SUCNR1: variants seen among roughly 807,000 people sequenced by gnomAD.
SUCNR1 encodes succinate receptor 1.
SUCNR1 carries 5 observed loss-of-function variants against 2.4 expected under a neutral mutation model. That is an observed-to-expected ratio of 2.07 (90% CI 1.08 to 4.36). The LOEUF is 4.36. SUCNR1 is among the 30% of genes most tolerant of loss of function. The pLI is 0.00. For synonymous variants in SUCNR1, 162 were observed against 143.9 expected, an observed-to-expected ratio of 1.13 and a Z score of -0.90; for missense variants, 373 against 399.2, an observed-to-expected ratio of 0.93 and a Z score of 0.56.
rs1718170801 is a variant in SUCNR1 at position 151,883,699 on chromosome 3, T to C, written c.*2151T>C. ...AACAATAAATCATGAAAATCCTTTC[T>C]GGGTTTGTGGTTTCTAAAGGAAATA... On this transcript the variant is annotated 3_prime_UTR_variant, in exon 3 of 3. Transcript: ENST00000362032. 6.6e-6 allele frequency: 1 copy of C among 151,846 alleles called. No homozygotes were observed. The highest frequency in any genetic ancestry group is 2.4e-5 in the African/African-American group (1 of 41,380). The allele number at this position is 151,846 out of a possible 1,614,324, so 9.4% of individuals were successfully genotyped here.
At chr3:151,874,113 C>CATAT (rs1717833026) in intron 1 of SUCNR1, among the ~76,000 whole-genome samples, 2 of 86,566 alleles carry the variant, frequency 2.3e-5, no homozygotes, top group African/African-American at 1.0e-4. Context: ...CACACACACA[C>CATAT]ACATATACAT....
In SUCNR1 at chr3:151,883,642, G is replaced by A. The variant is rs1718169535; in HGVS notation, c.*2094G>A. 1 of 151,490 alleles carries A rather than the reference G, an allele frequency of 6.6e-6. No individual in the cohort carries two copies. Among genetic ancestry groups the A allele is most frequent in the Non-Finnish European group, 1.5e-5 (1 of 67,814 alleles). 9.4% of individuals were successfully genotyped at this position (151,490 alleles called of 1,614,324 possible). A position where few individuals can be genotyped will look rare whatever the true frequency, so the allele number is the denominator to read the frequency against. ...TAAAATTATAAGAGCTATTTCATTT[G>A]CTTGTTGTACTGGGTAATTGTAAGA... On this transcript the variant is annotated 3_prime_UTR_variant, in exon 3 of 3. Coordinates refer to ENST00000362032, the MANE Select transcript of SUCNR1 (RefSeq NM_033050.6).
intron 1 of SUCNR1, among the ~76,000 whole-genome samples, chr3:151,874,074 T>C (rs2108062754): frequency 7.1e-6 from 1 of 141,502 alleles, no homozygotes; most frequent in South Asian, 2.2e-4. Context: ...CAATCATGTA[T>C]TTGATACATA....
In SUCNR1 at chr3:151,880,901, C is replaced by G. The variant is rs748612865; in HGVS notation, c.358C>G (p.Arg120Gly). The G allele has an allele frequency of 1.2e-6, 2 of 1,613,942 alleles. No individual in the cohort carries two copies. Among genetic ancestry groups the G allele is most frequent in the Non-Finnish European group, 1.7e-6 (2 of 1,179,950 alleles). Reference protein sequence around the residue: ...ILFLTFISIDRYLIIKYPFRE... With the variant: ...ILFLTFISIDGYLIIKYPFRE... The stretch of plus-strand genomic sequence containing the variant: ...CTTTCTCACTTTTATCAGCATAGAT[C>G]GATACTTGATAATTAAGTATCCTTT... The change falls in exon 3 of 3, where the codon CGA becomes GGA. Residue 120 changes from arginine to glycine, a missense_variant. This residue lies in a region of SUCNR1 where 184 missense variants were observed against 162.2 expected (regional missense o/e 1.13). Coordinates refer to ENST00000362032, the MANE Select transcript of SUCNR1 (RefSeq NM_033050.6).
intron 2 of SUCNR1, 34 bp from the exon 3 acceptor site, chr3:151,880,525 T>C: frequency 6.6e-7 from 1 of 1,507,680 alleles, no homozygotes; most frequent in Non-Finnish European, 9.0e-7. Context: ...CACAGTCTAG[T>C]GTTTAATCCT....
rs116132686 is a variant in SUCNR1, at chr3:151,884,526, G to A, written c.*2978G>A. 4.0e-3 allele frequency: 607 copies of A among 152,238 alleles called. 2 individuals carry two copies. The highest frequency in any genetic ancestry group is 0.014 in the African/African-American group (576 of 41,538). The allele number at this position is 152,238 out of a possible 1,614,324, so 9.4% of individuals were successfully genotyped here. A position where few individuals can be genotyped will look rare whatever the true frequency, so the allele number is the denominator to read the frequency against. Reference sequence around the variant, plus strand: ...TGAATAATGTGTGGCAGAGATTCTGGATTCTGTTACATTCCATCAAAGAGT... The same window carrying A: ...TGAATAATGTGTGGCAGAGATTCTGAATTCTGTTACATTCCATCAAAGAGT... On this transcript the variant is annotated 3_prime_UTR_variant, in exon 3 of 3. Coordinates refer to ENST00000362032, the MANE Select transcript of SUCNR1 (RefSeq NM_033050.6).
At position 151,879,955 on chromosome 3, in the gene SUCNR1, T is replaced by C. The variant is rs374052049; in HGVS notation, c.15+48T>C. 7 of 1,450,146 alleles carry C rather than the reference T, an allele frequency of 4.8e-6. No homozygotes were observed. The African/African-American group carries it at 1.0e-4, about 21-fold the overall frequency. 89.8% of individuals were successfully genotyped at this position (1,450,146 alleles called of 1,614,324 possible). A position where few individuals can be genotyped will look rare whatever the true frequency, so the allele number is the denominator to read the frequency against. ...GAATTCAAAATCTTCTCTTCAATTA[T>C]TTTATCATACGTTCCCTTTGTTTCT... On this transcript the variant is annotated intron_variant, in intron 2 of 2. Transcript: ENST00000362032.
chr3:151,876,398 C>T (rs1417980385), intron 1 of SUCNR1, among the ~76,000 whole-genome samples: 1 of 151,976 alleles, frequency 6.6e-6, no homozygotes, highest in Non-Finnish European at 1.5e-5. Flanking sequence ...ATGTTAAAGC[C>T]TATTGACATT....
rs1156851148 is a variant in SUCNR1, at chr3:151,884,325, C to T, written c.*2777C>T. On this transcript the variant is annotated 3_prime_UTR_variant, in exon 3 of 3. Transcript: ENST00000362032. Reference sequence around the variant, plus strand: ...TGCCAGCTGCCATTGCACTGCCTCACATTTTCCTTTAGATGTTTGAGCATA... The same window carrying T: ...TGCCAGCTGCCATTGCACTGCCTCATATTTTCCTTTAGATGTTTGAGCATA... 1.3e-5 allele frequency: 2 copies of T among 152,200 alleles called. No homozygotes were observed. Among genetic ancestry groups the T allele is most frequent in the Non-Finnish European group, 2.9e-5 (2 of 68,038 alleles). The allele number at this position is 152,200 out of a possible 1,614,324, so 9.4% of individuals were successfully genotyped here. A position where few individuals can be genotyped will look rare whatever the true frequency, so the allele number is the denominator to read the frequency against.
intron 1 of SUCNR1, among the ~76,000 whole-genome samples, 161 bp from the exon 2 acceptor site, chr3:151,879,691 A>C (rs947684758): frequency 6.6e-6 from 1 of 152,200 alleles, no homozygotes; most frequent in Non-Finnish European, 1.5e-5. Flanking sequence ...TAAGATTTTC[A>C]GTTTCATATT....
intron 1 of SUCNR1, among the ~76,000 whole-genome samples, chr3:151,874,424 C>G (rs1031594860): frequency 1.3e-5 from 2 of 151,870 alleles, no homozygotes; most frequent in Non-Finnish European, 2.9e-5. Context: ...GTGATCCACT[C>G]ATCTCGGCCT....
At position 151,880,558 on chromosome 3, in the gene SUCNR1, G is replaced by A; in HGVS notation, c.16-1G>A. On this transcript the variant is annotated splice_acceptor_variant, in intron 2 of 2. Transcript: ENST00000362032. LOFTEE classifies it high-confidence loss of function. ...CCTTATATTTTCTCTCTCTTCTTTA[G>A]GCATGGAATGCAACTTGCAAAAACT... is the stretch of plus-strand genomic sequence containing the variant. 2 of 1,596,270 alleles carry A rather than the reference G, an allele frequency of 1.3e-6. No homozygotes were observed. Among genetic ancestry groups the A allele is most frequent in the East Asian group, 2.2e-5 (1 of 44,802 alleles).
At chr3:151,879,270 T>C (rs895749048) in intron 1 of SUCNR1, among the ~76,000 whole-genome samples, 1 of 152,214 alleles carries the variant, frequency 6.6e-6, no homozygotes, top group Non-Finnish European at 1.5e-5. Context: ...ATGGTACATA[T>C]TCAGAAGGCA....
At chr3:151,876,428 T>C (rs1717926259) in intron 1 of SUCNR1, among the ~76,000 whole-genome samples, 1 of 152,108 alleles carries the variant, frequency 6.6e-6, no homozygotes, top group Non-Finnish European at 1.5e-5. Context: ...TTTCTAGAAA[T>C]TTAAAGTTTT....
intron 1 of SUCNR1, among the ~76,000 whole-genome samples, chr3:151,875,994 A>T (rs1026295724): frequency 6.6e-6 from 1 of 152,204 alleles, no homozygotes; most frequent in Admixed American, 6.5e-5. Context: ...TGCACAATAC[A>T]TAAGCTATTA....
Position 151,879,836 on chromosome 3 carries a change from T to C in SUCNR1, c.-41-16T>C. 7.4e-7 allele frequency: 1 copy of C among 1,345,678 alleles called. No individual in the cohort carries two copies. The highest frequency in any genetic ancestry group is 2.6e-5 in the East Asian group (1 of 39,030). 83.4% of individuals were successfully genotyped at this position (1,345,678 alleles called of 1,614,324 possible). A position where few individuals can be genotyped will look rare whatever the true frequency, so the allele number is the denominator to read the frequency against. On this transcript the variant is annotated splice_polypyrimidine_tract_variant and intron_variant, in intron 1 of 2. Coordinates refer to ENST00000362032, the MANE Select transcript of SUCNR1 (RefSeq NM_033050.6). The stretch of plus-strand genomic sequence containing the variant: ...AGTGAGACTGAAGTTCTAAAAATTC[T>C]TATTTCCTCTTCTAGGTTATGGTTT...
chr3:151,876,095 A>T (rs772727229), intron 1 of SUCNR1, among the ~76,000 whole-genome samples: 2 of 152,216 alleles, frequency 1.3e-5, no homozygotes, highest in Non-Finnish European at 2.9e-5. Context: ...GTGTCAAGGA[A>T]ACTTTCTATA....
intron 1 of SUCNR1, among the ~76,000 whole-genome samples, chr3:151,876,289 A>G (rs1160600544): frequency 6.6e-6 from 1 of 152,164 alleles, no homozygotes; most frequent in Admixed American, 6.6e-5. Flanking sequence ...AGAAGATAGG[A>G]AGAGAGTGCT....
At chr3:151,874,146 A>AT (rs56678758) in intron 1 of SUCNR1, among the ~76,000 whole-genome samples, 1,238 of 60,150 alleles carry the variant, frequency 0.021, 90 homozygotes, top group East Asian at 0.048. Flanking sequence ...ATATATATAT[A>AT]TTTTTTTTTT....
Sources: allele counts gnomAD v4.1 joint callset (sites outside exome capture counted in the v4.1 genomes callset), GRCh38; gene constraint gnomAD v4.1.1; regional missense constraint gnomAD v4.1.1; transcripts MANE v1.5; gene names NCBI Gene and HGNC (gene_info 2026-07-23, HGNC 2026-07-21).